Variants in GNA14 observed in about 807,000 individuals in gnomAD.
GNA14 encodes the protein G protein subunit alpha 14.
GNA14 carries 50 observed loss-of-function variants against 42.0 expected under a neutral mutation model. The ratio of observed to expected loss-of-function variants is 1.19; its 90% CI spans 0.95 to 1.51. The LOEUF (loss-of-function observed/expected upper bound fraction) is 1.51, where lower values mean the gene tolerates loss of function less well. Ranked by LOEUF, GNA14 falls within the 40% of genes most tolerant of loss-of-function variation. The pLI is 0.00. For missense variants in GNA14, 473 were observed against 446.2 expected, an observed-to-expected ratio of 1.06 and a Z score of -0.54; for synonymous variants, 173 against 163.1, an observed-to-expected ratio of 1.06 and a Z score of -0.46.
intron 2 of GNA14, among the ~76,000 whole-genome samples, chr9:77,468,316 AGTT>A (rs1252963324): frequency 2.0e-5 from 3 of 152,162 alleles, no homozygotes; most frequent in Non-Finnish European, 4.4e-5. Context: ...GGCTTCGAAT[AGTT>A]GTTTATAATT....
intron 1 of GNA14, among the ~76,000 whole-genome samples, chr9:77,622,529 G>A (rs1381575196): frequency 6.6e-6 from 1 of 152,020 alleles, no homozygotes; most frequent in Non-Finnish European, 1.5e-5. Flanking sequence ...AGCACTTTGG[G>A]AGGCCGAGTT....
intron 2 of GNA14, among the ~76,000 whole-genome samples, chr9:77,514,840 C>T (rs1257658803): frequency 6.6e-6 from 1 of 152,166 alleles, no homozygotes; most frequent in Non-Finnish European, 1.5e-5. Context: ...GTCTCGATCT[C>T]CTGTCCTTGT....
intron 2 of GNA14, among the ~76,000 whole-genome samples, chr9:77,481,708 A>C (rs1234706139): frequency 3.3e-4 from 50 of 149,606 alleles, no homozygotes; most frequent in South Asian, 1.3e-3. Flanking sequence ...GTCACTCAGG[A>C]CTTGCTTTAT....
At chr9:77,504,242 G>C (rs1837023257) in intron 2 of GNA14, among the ~76,000 whole-genome samples, 1 of 151,994 alleles carries the variant, frequency 6.6e-6, no homozygotes, top group Non-Finnish European at 1.5e-5. Context: ...TTCTTTTCAA[G>C]GGCCCTTATA....
Position 77,431,468 on chromosome 9 carries a change from G to A in GNA14, c.465-19C>T, listed in dbSNP as rs1263874903. Reference sequence around the variant, plus strand: ...CAGGTAACTGTATATTAGAGAACGAGGAACTGACTCTCCTTTTAGAGCAGG... The same window carrying A: ...CAGGTAACTGTATATTAGAGAACGAAGAACTGACTCTCCTTTTAGAGCAGG... On this transcript the variant is annotated intron_variant, in intron 3 of 6. Coordinates refer to ENST00000341700, the MANE Select transcript of GNA14 (RefSeq NM_004297.4). 6.3e-7 allele frequency: 1 copy of A among 1,586,196 alleles called. No homozygotes were observed. The highest frequency in any genetic ancestry group is 8.6e-7 in the Non-Finnish European group (1 of 1,159,784).
At chr9:77,618,601 TATA>T (rs1432282138) in intron 1 of GNA14, among the ~76,000 whole-genome samples, 2 of 14,208 alleles carry the variant, frequency 1.4e-4, no homozygotes, top group African/African-American at 2.8e-4. Context: ...TATATATATA[TATA>T]TATATATATA....
At chr9:77,428,381 G>A (rs1219004569) in intron 5 of GNA14, among the ~76,000 whole-genome samples, 1 of 152,114 alleles carries the variant, frequency 6.6e-6, no homozygotes, top group Admixed American at 6.6e-5. Context: ...GCCCAGCCAA[G>A]AGATGGCATT....
chr9:77,452,304 T>G (rs1055020192), intron 2 of GNA14, among the ~76,000 whole-genome samples: 1 of 152,134 alleles, frequency 6.6e-6, no homozygotes. Context: ...GGTGGAGAAT[T>G]TAGTCTCTCT....
chr9:77,562,773 TTTTG>T (rs1291479641), intron 1 of GNA14, among the ~76,000 whole-genome samples: 4 of 152,208 alleles, frequency 2.6e-5, no homozygotes, highest in Non-Finnish European at 5.9e-5. Flanking sequence ...ATGTTTAAAA[TTTTG>T]TTTTATTTTT....
chr9:77,442,265 G>C lies in GNA14; in HGVS notation c.310-7743C>G, dbSNP rs145061508. Among the ~76,000 whole-genome samples the C allele has an allele frequency of 7.0e-3, 1,060 of 152,250 alleles. 13 individuals are homozygous for C. The highest frequency in any genetic ancestry group is 0.023 in the African/African-American group (965 of 41,552). On this transcript the variant is annotated intron_variant, in intron 2 of 6. Transcript: ENST00000341700. ...TGCATGCCTATAATCCTAGCTACTC[G>C]GGAGGCTGAGGCAGGAGAATCACTT...
chr9:77,433,786 A>G (rs1350651675), intron 3 of GNA14, among the ~76,000 whole-genome samples: 1 of 152,238 alleles, frequency 6.6e-6, no homozygotes, highest in Non-Finnish European at 1.5e-5. Flanking sequence ...TACAGTGTGT[A>G]GGCCTTCGCA....
chr9:77,452,159 G>C (rs927832801), intron 2 of GNA14, among the ~76,000 whole-genome samples: 1 of 152,178 alleles, frequency 6.6e-6, no homozygotes, highest in African/African-American at 2.4e-5. Context: ...CAGCAGGTCT[G>C]AGATAGACGT....
chr9:77,463,613 T>C (rs894823), intron 2 of GNA14, among the ~76,000 whole-genome samples: 31,925 of 152,232 alleles, frequency 0.21, 9,617 homozygotes, highest in African/African-American at 0.67. Context: ...TGTTTTTGTT[T>C]CTTCAGCAAA....
At chr9:77,464,614 T>C (rs1276657522) in intron 2 of GNA14, among the ~76,000 whole-genome samples, 1 of 152,120 alleles carries the variant, frequency 6.6e-6, no homozygotes, top group African/African-American at 2.4e-5. Context: ...GTCAATGGTT[T>C]TTAGAATATC....
chr9:77,589,470 A>G (rs1823356061), intron 1 of GNA14, among the ~76,000 whole-genome samples: 1 of 152,068 alleles, frequency 6.6e-6, no homozygotes, highest in Non-Finnish European at 1.5e-5. Context: ...TCTTTGTTTA[A>G]TATATCACCT....
intron 1 of GNA14, among the ~76,000 whole-genome samples, chr9:77,613,523 C>G (rs527546887): frequency 4.6e-5 from 7 of 152,078 alleles, no homozygotes; most frequent in Non-Finnish European, 8.8e-5. Flanking sequence ...TTGCTAACAG[C>G]GTAGATCTTA....
intron 1 of GNA14, among the ~76,000 whole-genome samples, chr9:77,541,087 T>A (rs747858908): frequency 6.6e-6 from 1 of 152,118 alleles, no homozygotes; most frequent in Non-Finnish European, 1.5e-5. Context: ...ACTTGAGTCC[T>A]TTCTCTTCCT....
chr9:77,543,338 G>T (rs1837682296), intron 1 of GNA14, among the ~76,000 whole-genome samples: 1 of 152,216 alleles, frequency 6.6e-6, no homozygotes, highest in Admixed American at 6.5e-5. Flanking sequence ...AACAGCTGCA[G>T]CTGCAGTGGG....
intron 1 of GNA14, among the ~76,000 whole-genome samples, chr9:77,618,622 T>TATA (rs1564067885): frequency 4.7e-5 from 1 of 21,292 alleles, no homozygotes; most frequent in African/African-American, 3.0e-4. Flanking sequence ...ATATATATAT[T>TATA]TTTTTTTTTT....
Sources: gnomAD v4.1 joint callset for allele counts (sites outside exome capture counted in the v4.1 genomes callset) on GRCh38, gnomAD v4.1.1 for gene constraint, MANE v1.5 for transcripts, NCBI Gene and HGNC (gene_info 2026-07-23, HGNC 2026-07-21) for gene names.